Variants in NAV3 observed in about 807,000 individuals in gnomAD.
NAV3 encodes the protein neuron navigator 3, also known as pore membrane and/or filament interacting like protein 1.
In NAV3, 87 loss-of-function variants were observed where a neutral mutation model predicts 244.7. That is an observed-to-expected ratio of 0.36 (90% CI 0.30 to 0.42). NAV3 has a LOEUF of 0.42. NAV3 is among the 20% of genes least tolerant of loss of function. The pLI, the probability that NAV3 is intolerant of heterozygous loss-of-function variation, is 1.00. For missense variants in NAV3, 2,663 were observed against 2,893.3 expected, an observed-to-expected ratio of 0.92 and a Z score of 1.83; for synonymous variants, 1,126 against 1,042.2, an observed-to-expected ratio of 1.08 and a Z score of -1.55.
chr12:77,907,463 A>G (rs1392592770), intron 1 of NAV3, among the ~76,000 whole-genome samples: 2 of 152,004 alleles, frequency 1.3e-5, no homozygotes, highest in South Asian at 2.1e-4. Context: ...AAACTTACCC[A>G]CTTCAGACTT....
At chr12:77,613,867 C>G (rs1565737270) in intron 2 of NAV3, among the ~76,000 whole-genome samples, 2 of 152,094 alleles carry the variant, frequency 1.3e-5, no homozygotes, top group African/African-American at 2.4e-5. Flanking sequence ...CCAAGTCTAC[C>G]TGACGGCCCT....
chr12:78,071,112 C>G (rs1490634004), intron 12 of NAV3, among the ~76,000 whole-genome samples: 1 of 152,024 alleles, frequency 6.6e-6, no homozygotes, highest in Non-Finnish European at 1.5e-5. Context: ...GTTCTAAATC[C>G]CTGAGGAATT....
intron 2 of NAV3, among the ~76,000 whole-genome samples, chr12:77,613,200 CAG>C (rs948119732): frequency 1.3e-5 from 2 of 152,154 alleles, no homozygotes; most frequent in African/African-American, 4.8e-5. Context: ...TAGTTGTTGG[CAG>C]AGTTTGCTCA....
At chr12:77,638,326 T>C (rs1225761791) in intron 2 of NAV3, among the ~76,000 whole-genome samples, 5 of 151,638 alleles carry the variant, frequency 3.3e-5, no homozygotes, top group African/African-American at 1.2e-4. Context: ...CTTACCACCC[T>C]GAAGAAAGAT....
chr12:77,848,132 G>A lies in NAV3; in HGVS notation c.243+16428G>A, dbSNP rs1437512208. 1.3e-5 allele frequency among the ~76,000 whole-genome samples: 2 copies of A among 152,172 alleles called. 1 individual carries two copies. Among genetic ancestry groups the A allele is most frequent in the South Asian group, 4.1e-4 (2 of 4,832 alleles). On this transcript the variant is annotated intron_variant, in intron 1 of 39. Coordinates refer to ENST00000397909, the MANE Select transcript of NAV3 (RefSeq NM_001024383.2). Reference sequence around the variant, plus strand: ...TATAAAAGATGGCCTTCTAATGAACGTAGTAAAACTTCAGAGCACATTCTT... The same window carrying A: ...TATAAAAGATGGCCTTCTAATGAACATAGTAAAACTTCAGAGCACATTCTT...
At chr12:77,574,645 C>T (rs377454963) in intron 2 of NAV3, among the ~76,000 whole-genome samples, 5 of 152,212 alleles carry the variant, frequency 3.3e-5, no homozygotes, top group African/African-American at 1.2e-4. Context: ...TGGTGTTTGG[C>T]ATATTGTACA....
intron 3 of NAV3, among the ~76,000 whole-genome samples, chr12:77,965,601 G>A (rs775296031): frequency 1.2e-4 from 19 of 152,194 alleles, no homozygotes; most frequent in African/African-American, 3.1e-4. Context: ...CCTGTGTGAC[G>A]GAGCAACATT....
intron 5 of NAV3, among the ~76,000 whole-genome samples, chr12:77,969,068 G>A (rs1199872175): frequency 6.6e-6 from 1 of 151,828 alleles, no homozygotes; most frequent in Non-Finnish European, 1.5e-5. Context: ...TGATATTTTT[G>A]ATTAATTAAG....
At chr12:77,789,969 G>T (rs1406555818) in intron 2 of NAV3, among the ~76,000 whole-genome samples, 1 of 152,106 alleles carries the variant, frequency 6.6e-6, no homozygotes, top group African/African-American at 2.4e-5. Context: ...GAAAACCCTG[G>T]TCTAGAATAT....
rs113322081 is a variant in NAV3 at position 77,947,164 on chromosome 12, T to A, written c.414+6031T>A. On this transcript the variant is annotated intron_variant, in intron 3 of 39. Transcript: ENST00000397909. ...TAGTAGCTGGAAAATTAGATTTAGG[T>A]CTTTACTGCCTATCTGATTCCATGT... Among the ~76,000 whole-genome samples the A allele has an allele frequency of 6.8e-3, 1,041 of 152,196 alleles. 9 individuals carry two copies. Among genetic ancestry groups the A allele is most frequent in the South Asian group, 0.04 (192 of 4,824 alleles).
intron 2 of NAV3, among the ~76,000 whole-genome samples, chr12:77,624,714 T>A (rs1001755572): frequency 5.9e-5 from 9 of 152,196 alleles, no homozygotes; most frequent in African/African-American, 2.2e-4. Context: ...TTATGGGATG[T>A]TCATTTGAGA....
intron 12 of NAV3, among the ~76,000 whole-genome samples, chr12:78,080,469 G>A (rs941387963): frequency 1.3e-5 from 2 of 152,106 alleles, no homozygotes; most frequent in Non-Finnish European, 2.9e-5. Context: ...TTGGATTAAA[G>A]ACTTAATCAC....
intron 9 of NAV3, among the ~76,000 whole-genome samples, chr12:78,049,163 G>A (rs961837788): frequency 6.6e-6 from 1 of 152,158 alleles, no homozygotes; most frequent in Non-Finnish European, 1.5e-5. Context: ...GCTCCACAGG[G>A]GTGGGATCCA....
intron 22 of NAV3, among the ~76,000 whole-genome samples, chr12:78,151,185 G>C (rs1162844528): frequency 1.3e-5 from 2 of 151,984 alleles, no homozygotes; most frequent in Non-Finnish European, 2.9e-5. Flanking sequence ...AATTGCTCTA[G>C]GTTCCACTCA....
intron 2 of NAV3, among the ~76,000 whole-genome samples, chr12:77,754,484 C>G (rs562160150): frequency 1.2e-3 from 188 of 152,228 alleles, no homozygotes; most frequent in Middle Eastern, 3.4e-3. Context: ...CTTAGTCTTC[C>G]CTTTTCATGT....
At chr12:77,650,507 T>C (rs1340330374) in intron 2 of NAV3, among the ~76,000 whole-genome samples, 1 of 152,156 alleles carries the variant, frequency 6.6e-6, no homozygotes, top group African/African-American at 2.4e-5. Context: ...TTTAAATATA[T>C]TTAATTAGCC....
chr12:78,106,193 A>G (rs1286319037), intron 12 of NAV3, among the ~76,000 whole-genome samples: 1 of 152,112 alleles, frequency 6.6e-6, no homozygotes, highest in Non-Finnish European at 1.5e-5. Flanking sequence ...AAAAATCAAT[A>G]AAACAACTAG....
At chr12:77,645,547 A>AAAC (rs1872576177) in intron 2 of NAV3, among the ~76,000 whole-genome samples, 1 of 151,154 alleles carries the variant, frequency 6.6e-6, no homozygotes. Context: ...AAAAAAAAAA[A>AAAC]AAAAAAAAAA....
At chr12:78,031,409 T>C (rs1256699579) in intron 9 of NAV3, among the ~76,000 whole-genome samples, 1 of 152,092 alleles carries the variant, frequency 6.6e-6, no homozygotes, top group Non-Finnish European at 1.5e-5. Context: ...GAACAATCTA[T>C]TCATTGACTG....
Sources: gnomAD v4.1 joint callset for allele counts (sites outside exome capture counted in the v4.1 genomes callset) on GRCh38, gnomAD v4.1.1 for gene constraint, MANE v1.5 for transcripts, NCBI Gene and HGNC (gene_info 2026-07-23, HGNC 2026-07-21) for gene names.